AUH: variants seen among roughly 807,000 people sequenced by gnomAD.
The protein encoded by AUH is AU RNA binding methylglutaconyl-CoA hydratase.
In AUH, 29 loss-of-function variants were observed where a neutral mutation model predicts 42.3. That is an observed-to-expected ratio of 0.69 (90% CI 0.51 to 0.93). The LOEUF (loss-of-function observed/expected upper bound fraction) is 0.93, where lower values mean the gene tolerates loss of function less well. AUH is among the 40% of genes least tolerant of loss of function. AUH has a pLI of 0.00. For missense variants in AUH, 452 were observed against 438.1 expected, an observed-to-expected ratio of 1.03 and a Z score of -0.28; for synonymous variants, 174 against 166.4, an observed-to-expected ratio of 1.05 and a Z score of -0.35.
At chr9:91,260,167 A>G (rs1829634198) in intron 6 of AUH, among the ~76,000 whole-genome samples, 1 of 151,930 alleles carries the variant, frequency 6.6e-6, no homozygotes, top group South Asian at 2.1e-4. Context: ...TTTCTTTTCT[A>G]TTGTTAGCAT....
intron 3 of AUH, among the ~76,000 whole-genome samples, chr9:91,345,694 G>T (rs1160662432): frequency 6.6e-6 from 1 of 152,030 alleles, no homozygotes; most frequent in South Asian, 2.1e-4. Context: ...TTAGCCGGGC[G>T]TGGTGGCGAG....
At chr9:91,361,516 G>A (rs1465832508) in intron 1 of AUH, 112 bp downstream of exon 1, 2 of 1,434,112 alleles carry the variant, frequency 1.4e-6, no homozygotes, top group East Asian at 2.7e-5. Flanking sequence ...CAGGTTCGGT[G>A]CGCCTGCCTG....
At chr9:91,249,272 G>A (rs1467180432) in intron 6 of AUH, among the ~76,000 whole-genome samples, 1 of 128,758 alleles carries the variant, frequency 7.8e-6, no homozygotes, top group Non-Finnish European at 1.6e-5. Flanking sequence ...ACTCTTGCCT[G>A]GGCGACAGAG....
At chr9:91,246,572 A>C (rs572794984) in intron 6 of AUH, among the ~76,000 whole-genome samples, 1 of 152,372 alleles carries the variant, frequency 6.6e-6, no homozygotes, top group South Asian at 2.1e-4. Context: ...ACAAGATTGC[A>C]GAGCAACTGA....
At chr9:91,225,953 T>A (rs373744698) in intron 6 of AUH, among the ~76,000 whole-genome samples, 2 of 149,994 alleles carry the variant, frequency 1.3e-5, no homozygotes, top group Non-Finnish European at 3.0e-5. Context: ...TCTATCATTG[T>A]TGGACATTTG....
chr9:91,296,009 AACT>A lies in AUH; in HGVS notation c.655+9_655+11del, dbSNP rs1478501446. 4 of 1,613,854 alleles carry A rather than the reference AACT, an allele frequency of 2.5e-6. No homozygotes were observed. ...ATCAAGGATTTGAGGAATGGGCGTGAACTACTCATACCTCCACCAGGAATAATC... is the reference window on the plus strand; with the variant it reads ...ATCAAGGATTTGAGGAATGGGCGTGAACTCATACCTCCACCAGGAATAATC... On this transcript the variant is annotated intron_variant, in intron 6 of 9. Transcript: ENST00000375731.
chr9:91,312,861 G>A (rs1159170400), intron 4 of AUH, among the ~76,000 whole-genome samples: 1 of 152,198 alleles, frequency 6.6e-6, no homozygotes, highest in Non-Finnish European at 1.5e-5. Flanking sequence ...CGTAAGTACT[G>A]TCAAAGACAA....
intron 3 of AUH, among the ~76,000 whole-genome samples, chr9:91,326,885 G>C (rs949485555): frequency 1.3e-5 from 2 of 152,040 alleles, no homozygotes; most frequent in Non-Finnish European, 2.9e-5. Flanking sequence ...CAAATAACTG[G>C]CTTAACTTGG....
intron 6 of AUH, among the ~76,000 whole-genome samples, chr9:91,293,060 G>A (rs779443208): frequency 9.7e-4 from 147 of 152,258 alleles, no homozygotes; most frequent in Non-Finnish European, 1.6e-3. Flanking sequence ...CGCCCACATA[G>A]GATGGCAAAC....
At chr9:91,314,623 C>T (rs892953249) in intron 4 of AUH, among the ~76,000 whole-genome samples, 3 of 151,716 alleles carry the variant, frequency 2.0e-5, no homozygotes, top group African/African-American at 7.3e-5. Flanking sequence ...ACTGAACTGA[C>T]CTTCTTTTGG....
At chr9:91,220,584 G>T (rs575068791) in intron 7 of AUH, among the ~76,000 whole-genome samples, 7 of 152,214 alleles carry the variant, frequency 4.6e-5, no homozygotes, top group African/African-American at 1.7e-4. Context: ...TCAAAGTGTG[G>T]CTACAATAAG....
chr9:91,313,935 T>C (rs1393656360), intron 4 of AUH, among the ~76,000 whole-genome samples: 2 of 151,226 alleles, frequency 1.3e-5, no homozygotes, highest in Non-Finnish European at 2.9e-5. Flanking sequence ...GTGATGCTCG[T>C]GCCTCAGCCT....
At chr9:91,354,599 C>A (rs1832263759) in intron 3 of AUH, among the ~76,000 whole-genome samples, 1 of 152,120 alleles carries the variant, frequency 6.6e-6, no homozygotes, top group Non-Finnish European at 1.5e-5. Context: ...AAAAAGAATT[C>A]CACCAGTAAC....
chr9:91,276,414 C>CAA (rs58728272), intron 6 of AUH, among the ~76,000 whole-genome samples: 6 of 110,312 alleles, frequency 5.4e-5, no homozygotes, highest in South Asian at 5.7e-4. Context: ...CCCTGTCTCC[C>CAA]AAAAAAAAAA....
At chr9:91,310,035 A>G (rs1587830291) in intron 4 of AUH, among the ~76,000 whole-genome samples, 1 of 152,150 alleles carries the variant, frequency 6.6e-6, no homozygotes, top group Non-Finnish European at 1.5e-5. Context: ...ACCTGGGTCA[A>G]CCTGCCTCAA....
intron 6 of AUH, among the ~76,000 whole-genome samples, chr9:91,272,374 T>C (rs1014413556): frequency 3.9e-5 from 6 of 152,180 alleles, no homozygotes; most frequent in Non-Finnish European, 8.8e-5. Context: ...GCTACTCTTT[T>C]AAAATGTTGC....
At chr9:91,346,316 T>C (rs1243649467) in intron 3 of AUH, among the ~76,000 whole-genome samples, 1 of 152,040 alleles carries the variant, frequency 6.6e-6, no homozygotes, top group Non-Finnish European at 1.5e-5. Context: ...TAATCAATCA[T>C]TATGTAAAGA....
intron 6 of AUH, among the ~76,000 whole-genome samples, chr9:91,228,352 T>C (rs1827649204): frequency 6.6e-6 from 1 of 151,744 alleles, no homozygotes; most frequent in Admixed American, 6.6e-5. Flanking sequence ...GAGGTGTTTG[T>C]AGTATTCTCT....
At position 91,214,076 on chromosome 9, in the gene AUH, T is replaced by A. The variant is rs1826686755; in HGVS notation, c.*272A>T. 1 of 359,410 alleles carries A rather than the reference T, an allele frequency of 2.8e-6. No individual in the cohort carries two copies. Among genetic ancestry groups the A allele is most frequent in the Non-Finnish European group, 5.2e-6 (1 of 193,624 alleles). The allele number at this position is 359,410 out of a possible 1,614,324, so 22.3% of individuals were successfully genotyped here. ...CACATTAAAAAATTAACAGAAAGCC[T>A]CATATGCAGTAAATATTTAAAAATG... On this transcript the variant is annotated 3_prime_UTR_variant, in exon 10 of 10. Coordinates refer to ENST00000375731, the MANE Select transcript of AUH (RefSeq NM_001698.3).
Sources: allele counts gnomAD v4.1 joint callset (sites outside exome capture counted in the v4.1 genomes callset), GRCh38; gene constraint gnomAD v4.1.1; transcripts MANE v1.5; gene names NCBI Gene and HGNC (gene_info 2026-07-23, HGNC 2026-07-21).